The following UBE3D variants were observed in gnomAD, a reference collection of about 807,000 sequenced individuals.
UBE3D encodes the protein E3 ubiquitin-protein ligase E3D.
A neutral mutation model predicts 49.6 loss-of-function variants in UBE3D; 48 were observed. The observed-to-expected ratio is 0.97, with a 90% CI of 0.77 to 1.23. UBE3D has a LOEUF of 1.23. Among genes scored for constraint, UBE3D ranks in the 50% most tolerant of loss-of-function variants. The pLI, the probability that UBE3D is intolerant of heterozygous loss-of-function variation, is 0.00. For synonymous variants in UBE3D, 189 were observed against 174.2 expected (o/e 1.08, Z -0.67); for missense variants, 452 against 468.4 (o/e 0.96, Z 0.32).
chr6:82,895,398 C>T (rs879576751), intron 9 of UBE3D, among the ~76,000 whole-genome samples: 2 of 152,042 alleles, frequency 1.3e-5, no homozygotes. Flanking sequence ...TACTGACGGG[C>T]GTTTGGCAGT....
rs147167191 is a variant in UBE3D at position 83,047,116 on chromosome 6, T to G, written c.366-2457A>C. Among the ~76,000 whole-genome samples, 1,114 of 152,316 alleles carry G rather than the reference T, an allele frequency of 7.3e-3. 12 individuals carry two copies. Among genetic ancestry groups the G allele is most frequent in the Non-Finnish European group, 9.6e-3 (655 of 68,012 alleles). ...TAACTATAATGTGTGAAGCCCCTGG[T>G]TGCGTCTGTTGCACACTGGAATTAA... On this transcript the variant is annotated intron_variant, in intron 3 of 9. Transcript: ENST00000369747.
chr6:82,922,665 G>GCAAGGGTAAAAACTT (rs60954851), intron 9 of UBE3D, among the ~76,000 whole-genome samples: 1 of 150,666 alleles, frequency 6.6e-6, no homozygotes, highest in Non-Finnish European at 1.5e-5. Flanking sequence ...CAGGACATAG[G>GCAAGGGTAAAAACTT]CATGTCTAAA....
intron 3 of UBE3D, chr6:83,049,787 G>T: frequency 2.1e-6 from 1 of 470,974 alleles, no homozygotes; most frequent in Middle Eastern, 3.2e-4. Context: ...AAATCGAAAG[G>T]CTTGAGTTTG....
chr6:82,958,699 C>T (rs1445927032), intron 8 of UBE3D, among the ~76,000 whole-genome samples: 1 of 152,160 alleles, frequency 6.6e-6, no homozygotes, highest in Admixed American at 6.5e-5. Context: ...AATAGATCAC[C>T]TCCAACCCCC....
chr6:82,942,336 G>T (rs1038501167), intron 9 of UBE3D, among the ~76,000 whole-genome samples: 1 of 152,158 alleles, frequency 6.6e-6, no homozygotes, highest in Non-Finnish European at 1.5e-5. Flanking sequence ...TAAAAGATTG[G>T]AAAATTTGCA....
intron 1 of UBE3D, among the ~76,000 whole-genome samples, chr6:83,060,332 T>C (rs1005053443): frequency 6.6e-6 from 1 of 152,112 alleles, no homozygotes; most frequent in African/African-American, 2.4e-5. Flanking sequence ...ATTCTCACTG[T>C]GGGAGAATGG....
At chr6:82,932,116 G>T (rs1243185344) in intron 9 of UBE3D, among the ~76,000 whole-genome samples, 1 of 152,084 alleles carries the variant, frequency 6.6e-6, no homozygotes. Flanking sequence ...ATGATTGTAA[G>T]TTTCCTGAGG....
At chr6:82,928,426 T>C (rs1331234068) in intron 9 of UBE3D, among the ~76,000 whole-genome samples, 4 of 145,812 alleles carry the variant, frequency 2.7e-5, no homozygotes, top group Non-Finnish European at 6.1e-5. Flanking sequence ...ATTTCAACTA[T>C]TTCCTGATTT....
intron 1 of UBE3D, among the ~76,000 whole-genome samples, chr6:83,062,114 T>C (rs1197979911): frequency 1.3e-5 from 2 of 152,240 alleles, no homozygotes; most frequent in African/African-American, 4.8e-5. Flanking sequence ...TCTTCTCTAC[T>C]GCCACCATTA....
chr6:82,973,986 G>C (rs945817626), intron 8 of UBE3D, among the ~76,000 whole-genome samples: 1 of 152,028 alleles, frequency 6.6e-6, no homozygotes, highest in Non-Finnish European at 1.5e-5. Context: ...CCCCCAGATG[G>C]GACTGTCTAG....
intron 5 of UBE3D, among the ~76,000 whole-genome samples, chr6:83,033,696 C>A (rs1782044141): frequency 6.6e-6 from 1 of 152,182 alleles, no homozygotes; most frequent in Admixed American, 6.5e-5. Context: ...TCCCCCAAAC[C>A]AGAAGCTGCT....
intron 5 of UBE3D, among the ~76,000 whole-genome samples, chr6:83,033,628 CTA>C (rs1173094730): frequency 2.6e-5 from 4 of 152,176 alleles, no homozygotes; most frequent in African/African-American, 9.7e-5. Context: ...ACTGCTTCCA[CTA>C]TGTGAGATGC....
intron 9 of UBE3D, among the ~76,000 whole-genome samples, chr6:82,926,518 G>C (rs293505): frequency 0.67 from 102,274 of 151,948 alleles, 34,911 homozygotes; most frequent in East Asian, 0.79. Context: ...AATTGCCAAC[G>C]TGTTTTCTAA....
intron 8 of UBE3D, among the ~76,000 whole-genome samples, chr6:82,974,874 A>T (rs1193942217): frequency 6.6e-6 from 1 of 152,168 alleles, no homozygotes; most frequent in Non-Finnish European, 1.5e-5. Flanking sequence ...TATAATGAGA[A>T]ATATTTATGA....
intron 8 of UBE3D, among the ~76,000 whole-genome samples, chr6:82,987,190 T>C (rs1465412612): frequency 2.6e-5 from 4 of 152,194 alleles, no homozygotes; most frequent in African/African-American, 9.6e-5. Context: ...TTTTTTATTG[T>C]TATTTTGAGA....
At position 83,024,773 on chromosome 6, in the gene UBE3D, G is replaced by A. The variant is rs537306075; in HGVS notation, c.668-735C>T. 3.3e-5 allele frequency among the ~76,000 whole-genome samples: 5 copies of A among 152,268 alleles called. No homozygotes were observed. The South Asian group carries it at 6.2e-4, about 19-fold the overall frequency. ...GTGATTATTTCCTTTTCCCCAGTGC[G>A]CATGGGGAACTGTTACCCTGAGAAA... On this transcript the variant is annotated intron_variant, in intron 5 of 9. Transcript: ENST00000369747.
chr6:83,063,412 T>TAAAAAAAAAAAAAAAA (rs201669450), intron 1 of UBE3D, among the ~76,000 whole-genome samples: 120 of 45,362 alleles, frequency 2.6e-3, no homozygotes, highest in Middle Eastern at 0.017. Flanking sequence ...AGACGCTGTC[T>TAAAAAAAAAAAAAAAA]AAAAAAAAAA....
chr6:82,996,682 A>G (rs1779263264), intron 8 of UBE3D, among the ~76,000 whole-genome samples: 1 of 152,164 alleles, frequency 6.6e-6, no homozygotes, highest in Admixed American at 6.5e-5. Context: ...CCCTAATATG[A>G]TGTGATGCTA....
intron 9 of UBE3D, among the ~76,000 whole-genome samples, chr6:82,941,454 G>A (rs150458245): frequency 0.01 from 1,577 of 152,172 alleles, 13 homozygotes; most frequent in Admixed American, 0.018. Context: ...AAAAAAGAGT[G>A]CAGAGATAAA....
Sources: gnomAD v4.1 joint callset for allele counts (sites outside exome capture counted in the v4.1 genomes callset) on GRCh38, gnomAD v4.1.1 for gene constraint, MANE v1.5 for transcripts, NCBI Gene and HGNC (gene_info 2026-07-23, HGNC 2026-07-21) for gene names.